The following TRIM9 variants were observed in gnomAD, a reference collection of about 807,000 sequenced individuals.
TRIM9 encodes the protein E3 ubiquitin-protein ligase TRIM9.
A neutral mutation model predicts 78.3 loss-of-function variants in TRIM9; 26 were observed. The observed-to-expected ratio is 0.33, with a 90% CI of 0.24 to 0.46. The LOEUF (loss-of-function observed/expected upper bound fraction) is 0.46. TRIM9 is among the 20% of genes least tolerant of loss of function. The pLI is 1.00. For synonymous variants in TRIM9, 398 were observed against 416.5 expected, an observed-to-expected ratio of 0.96 and a Z score of 0.54; for missense variants, 787 against 1,036.4, an observed-to-expected ratio of 0.76 and a Z score of 3.30.
chr14:50,975,885 T>G lies in TRIM9; in HGVS notation c.*1406A>C, dbSNP rs766810800. On this transcript the variant is annotated 3_prime_UTR_variant, in exon 13 of 13. Coordinates refer to ENST00000684578, the MANE Select transcript of TRIM9 (RefSeq NM_001387360.1). ...ATAGAAGTAAGATGCATTATTATTC[T>G]GCTATCAGTCATAGTAATGACATAC... 6.5e-6 allele frequency: 1 copy of G among 152,682 alleles called. No homozygotes were observed. Among genetic ancestry groups the G allele is most frequent in the Non-Finnish European group, 1.5e-5 (1 of 68,038 alleles). The allele number at this position is 152,682 out of a possible 1,614,324, so 9.5% of individuals were successfully genotyped here.
intron 1 of TRIM9, among the ~76,000 whole-genome samples, chr14:51,056,736 C>G (rs754709707): frequency 2.6e-5 from 4 of 152,222 alleles, no homozygotes; most frequent in African/African-American, 9.6e-5. Flanking sequence ...ATCATAATTG[C>G]AACTGGCCCA....
chr14:50,996,256 A>G, intron 7 of TRIM9: 1 of 985,396 alleles, frequency 1.0e-6, no homozygotes. Flanking sequence ...GTTGGAAGAG[A>G]ACTTGTTCCG....
chr14:51,022,818 C>T lies in TRIM9; in HGVS notation c.1041+17G>A, dbSNP rs1279406177. 1.2e-6 allele frequency: 2 copies of T among 1,613,660 alleles called. No individual in the cohort carries two copies. The highest frequency in any genetic ancestry group is 1.3e-5 in the African/African-American group (1 of 74,906). ...TGGCTTGTTGGCTTTCTGCTCTTCC[C>T]ATGATGCAGCACTCACCTTCAGCTT... On this transcript the variant is annotated intron_variant, in intron 3 of 12. Coordinates refer to ENST00000684578, the MANE Select transcript of TRIM9 (RefSeq NM_001387360.1).
intron 1 of TRIM9, among the ~76,000 whole-genome samples, chr14:51,040,024 C>T (rs1412291903): frequency 2.6e-5 from 4 of 152,166 alleles, no homozygotes; most frequent in Non-Finnish European, 4.4e-5. Context: ...ACCTCCTGAT[C>T]CGCCCGCCTC....
chr14:51,027,733 G>A (rs999155335), intron 1 of TRIM9, among the ~76,000 whole-genome samples: 1 of 152,084 alleles, frequency 6.6e-6, no homozygotes, highest in Non-Finnish European at 1.5e-5. Context: ...GGAGCCCAAG[G>A]GATAAAGGAG....
Position 51,053,597 on chromosome 14 carries a change from T to TTAA in TRIM9, c.823-28238_823-28237insTTA, listed in dbSNP as rs1566619549. On this transcript the variant is annotated intron_variant, in intron 1 of 12. Transcript: ENST00000684578. ...TTAATTTTCTTTTTTTTTTTTTAATTTTTTTTTTTTTTATTATACTCTAAG... is the reference window on the plus strand; with the variant it reads ...TTAATTTTCTTTTTTTTTTTTTAATTTAATTTTTTTTTTTTATTATACTCTAAG... Among the ~76,000 whole-genome samples the TTAA allele has an allele frequency of 2.4e-3, 222 of 91,936 alleles. 1 individual carries two copies. The highest frequency in any genetic ancestry group is 7.7e-3 in the African/African-American group (211 of 27,238). The allele number at this position is 91,936 out of a possible 152,430, so 60.3% of individuals were successfully genotyped here. A position where few individuals can be genotyped will look rare whatever the true frequency, so the allele number is the denominator to read the frequency against.
chr14:51,065,551 T>C (rs1466066225), intron 1 of TRIM9, among the ~76,000 whole-genome samples: 1 of 152,148 alleles, frequency 6.6e-6, no homozygotes, highest in Non-Finnish European at 1.5e-5. Context: ...CTGAGCTAAG[T>C]GGAAGAAGTA....
chr14:50,986,197 C>G, intron 7 of TRIM9, 53 bp from the exon 8 acceptor site: 2 of 1,368,872 alleles, frequency 1.5e-6, no homozygotes, highest in Non-Finnish European at 9.6e-7. Flanking sequence ...ATTATGTCCC[C>G]GTGCACGGTT....
chr14:51,001,400 T>C (rs979788978), intron 5 of TRIM9, among the ~76,000 whole-genome samples: 2 of 151,810 alleles, frequency 1.3e-5, no homozygotes, highest in Non-Finnish European at 2.9e-5. Flanking sequence ...CGGCTAATTT[T>C]TTGTATTTTT....
intron 4 of TRIM9, 23 bp downstream of exon 4, chr14:51,010,359 GAC>G (rs1566574618): frequency 6.4e-7 from 1 of 1,563,618 alleles, no homozygotes; most frequent in African/African-American, 1.4e-5. Flanking sequence ...TTTAGAATCT[GAC>G]GCAGAAACTA....
At chr14:51,059,931 A>C (rs1248731239) in intron 1 of TRIM9, among the ~76,000 whole-genome samples, 1 of 152,232 alleles carries the variant, frequency 6.6e-6, no homozygotes, top group Non-Finnish European at 1.5e-5. Context: ...CCACGGCCCT[A>C]AAACCAGGTT....
chr14:51,087,278 G>A (rs1293652114), intron 1 of TRIM9, among the ~76,000 whole-genome samples: 2 of 152,138 alleles, frequency 1.3e-5, no homozygotes, highest in East Asian at 1.9e-4. Flanking sequence ...TAAGCAGGCA[G>A]ATGGGATTGT....
chr14:51,001,294 A>G (rs2054973760), intron 5 of TRIM9, among the ~76,000 whole-genome samples: 1 of 149,904 alleles, frequency 6.7e-6, no homozygotes, highest in African/African-American at 2.5e-5. Context: ...CAGCGGCACA[A>G]TCTCGGCTCA....
chr14:50,998,011 G>A (rs369002549), intron 7 of TRIM9, 39 bp downstream of exon 7: 134 of 1,612,844 alleles, frequency 8.3e-5, no homozygotes, highest in Non-Finnish European at 1.1e-4. Flanking sequence ...TAGATGCCAC[G>A]CAGTTCTCGC....
chr14:51,033,313 G>A (rs560001024), intron 1 of TRIM9, among the ~76,000 whole-genome samples: 74 of 152,276 alleles, frequency 4.9e-4, no homozygotes, highest in African/African-American at 1.6e-3. Context: ...GGCTGGTCTT[G>A]AACTCCTGAC....
At position 51,016,165 on chromosome 14, in the gene TRIM9, A is replaced by G. The variant is rs183422173; in HGVS notation, c.1042-5671T>C. Among the ~76,000 whole-genome samples, 8 of 152,270 alleles carry G rather than the reference A, an allele frequency of 5.3e-5. No homozygotes were observed. The East Asian group carries it at 1.5e-3, about 29-fold the overall frequency. ...ATATACTTTAAATCATCTCTAGATT[A>G]TTTGTAATACCTAATACAATGTAAA... On this transcript the variant is annotated intron_variant, in intron 3 of 12. Coordinates refer to ENST00000684578, the MANE Select transcript of TRIM9 (RefSeq NM_001387360.1).
At chr14:50,993,587 C>T (rs536573782) in intron 7 of TRIM9, among the ~76,000 whole-genome samples, 53 of 152,206 alleles carry the variant, frequency 3.5e-4, no homozygotes, top group East Asian at 1.9e-4. Context: ...AGGCTGGTCT[C>T]GAACTCTTGA....
chr14:51,047,747 T>C (rs897110960), intron 1 of TRIM9, among the ~76,000 whole-genome samples: 2 of 152,210 alleles, frequency 1.3e-5, no homozygotes, highest in African/African-American at 4.8e-5. Context: ...CCCAATGCTA[T>C]GGGCAATGCA....
At chr14:51,012,547 G>A (rs2056699264) in intron 3 of TRIM9, among the ~76,000 whole-genome samples, 3 of 152,112 alleles carry the variant, frequency 2.0e-5, no homozygotes, top group Non-Finnish European at 2.9e-5. Flanking sequence ...GTAAGTCTCC[G>A]CTTTCACTTC....
Sources: gnomAD v4.1 joint callset for allele counts (sites outside exome capture counted in the v4.1 genomes callset) on GRCh38, gnomAD v4.1.1 for gene constraint, MANE v1.5 for transcripts, NCBI Gene and HGNC (gene_info 2026-07-23, HGNC 2026-07-21) for gene names.